The following SPATA13 variants were observed in gnomAD, a reference collection of about 807,000 sequenced individuals.
SPATA13 encodes spermatogenesis-associated protein 13.
SPATA13 carries 50 observed loss-of-function variants against 104.0 expected under a neutral mutation model. The ratio of observed to expected loss-of-function variants is 0.48; its 90% CI spans 0.38 to 0.61. The LOEUF is 0.61. Ranked by LOEUF, SPATA13 falls within the 20% of genes least tolerant of loss-of-function variation. The pLI, the probability that SPATA13 is intolerant of heterozygous loss-of-function variation, is 0.00. For missense variants in SPATA13, 1,524 were observed against 1,690.6 expected, an observed-to-expected ratio of 0.90 and a Z score of 1.73; for synonymous variants, 606 against 667.5, an observed-to-expected ratio of 0.91 and a Z score of 1.42.
At chr13:24,101,319 C>T (rs1189240366) in intron 3 of SPATA13, among the ~76,000 whole-genome samples, 1 of 152,196 alleles carries the variant, frequency 6.6e-6, no homozygotes, top group Non-Finnish European at 1.5e-5. Flanking sequence ...GTTGGATAAA[C>T]AGTTTATCCT....
At chr13:24,238,158 A>ACAGTCTCTTGCTCTATCTCC (rs1593449825) in intron 2 of SPATA13, among the ~76,000 whole-genome samples, 2 of 89,200 alleles carry the variant, frequency 2.2e-5, no homozygotes, top group Non-Finnish European at 4.0e-5. Context: ...TTTTTTTGAG[A>ACAGTCTCTTGCTCTATCTCC]CAGACTCTTG....
chr13:24,239,355 T>C (rs1002319233), intron 2 of SPATA13, among the ~76,000 whole-genome samples: 4 of 152,068 alleles, frequency 2.6e-5, no homozygotes, highest in African/African-American at 9.7e-5. Context: ...TTTATTTACA[T>C]TGTGGGATGG....
At chr13:24,241,324 A>G (rs1288222396) in intron 2 of SPATA13, among the ~76,000 whole-genome samples, 1 of 152,220 alleles carries the variant, frequency 6.6e-6, no homozygotes, top group African/African-American at 2.4e-5. Flanking sequence ...AAAAGAAGGG[A>G]CAACTTAATG....
At chr13:24,189,380 A>T (rs916360447) in intron 1 of SPATA13, among the ~76,000 whole-genome samples, 1 of 151,022 alleles carries the variant, frequency 6.6e-6, no homozygotes, top group Non-Finnish European at 1.5e-5. Flanking sequence ...AGGCTGAGGC[A>T]GGAGAATGGC....
chr13:24,012,384 C>A (rs1450210771), intron 2 of SPATA13, among the ~76,000 whole-genome samples: 2 of 152,236 alleles, frequency 1.3e-5, no homozygotes, highest in African/African-American at 4.8e-5. Flanking sequence ...CCAGCAGATG[C>A]TCGTGGTTGG....
At chr13:24,100,268 C>T (rs756159484) in intron 3 of SPATA13, among the ~76,000 whole-genome samples, 16 of 152,166 alleles carry the variant, frequency 1.1e-4, no homozygotes, top group African/African-American at 1.4e-4. Flanking sequence ...CCTATATTGC[C>T]GCACTGCATT....
At chr13:24,129,024 T>C (rs1881310793) in intron 3 of SPATA13, among the ~76,000 whole-genome samples, 1 of 152,262 alleles carries the variant, frequency 6.6e-6, no homozygotes, top group Admixed American at 6.5e-5. Context: ...TAAGTGACCC[T>C]TTCTGTTGTT....
intron 3 of SPATA13, among the ~76,000 whole-genome samples, chr13:24,154,534 A>T (rs528040453): frequency 3.9e-5 from 6 of 151,916 alleles, no homozygotes; most frequent in African/African-American, 1.4e-4. Flanking sequence ...AACGGGGGGG[A>T]GGGGCACATA....
intron 8 of SPATA13, 151 bp from the exon 9 acceptor site, chr13:24,290,501 G>T: frequency 3.1e-6 from 2 of 653,332 alleles, no homozygotes; most frequent in South Asian, 1.9e-5. Flanking sequence ...GGCAGCTTGG[G>T]TGCCAGCGGA....
intron 2 of SPATA13, among the ~76,000 whole-genome samples, chr13:24,015,729 C>A (rs1488053658): frequency 1.8e-5 from 1 of 55,782 alleles, no homozygotes; most frequent in African/African-American, 6.0e-5. Flanking sequence ...TTTGGGGCGA[C>A]CCCTGGCAGG....
intron 3 of SPATA13, among the ~76,000 whole-genome samples, chr13:24,038,172 G>A (rs1006049616): frequency 3.3e-5 from 5 of 151,704 alleles, no homozygotes; most frequent in Admixed American, 2.0e-4. Flanking sequence ...CTCGACCTCC[G>A]AAAGTGCTGG....
At chr13:24,197,320 T>C (rs1464135243) in intron 1 of SPATA13, among the ~76,000 whole-genome samples, 6 of 152,188 alleles carry the variant, frequency 3.9e-5, no homozygotes, top group Non-Finnish European at 8.8e-5. Flanking sequence ...AACAGTGCAA[T>C]AGTGATTAAC....
chr13:24,153,278 C>T (rs191155949), intron 3 of SPATA13, among the ~76,000 whole-genome samples: 1 of 152,332 alleles, frequency 6.6e-6, no homozygotes, highest in Admixed American at 6.5e-5. Context: ...GATGTGGGTG[C>T]CCCATTTTCC....
chr13:24,032,633 A>G (rs1040490643), intron 3 of SPATA13, among the ~76,000 whole-genome samples: 3 of 152,224 alleles, frequency 2.0e-5, no homozygotes, highest in Non-Finnish European at 4.4e-5. Context: ...TTTGGTTGAA[A>G]ATAAGGCATT....
At chr13:24,141,617 A>G (rs893720719) in intron 3 of SPATA13, among the ~76,000 whole-genome samples, 7 of 152,138 alleles carry the variant, frequency 4.6e-5, no homozygotes, top group Non-Finnish European at 8.8e-5. Flanking sequence ...TAACATGAGT[A>G]CTTCATGAGG....
rs189040275 is a variant in SPATA13, at chr13:24,194,108, A to G, written c.-111-28711A>G. Among the ~76,000 whole-genome samples, 5 of 152,238 alleles carry G rather than the reference A, an allele frequency of 3.3e-5. 1 individual carries two copies. The highest frequency in any genetic ancestry group is 3.3e-4 in the Admixed American group (5 of 15,278). On this transcript the variant is annotated intron_variant, in intron 1 of 12. Coordinates refer to ENST00000382108, the MANE Select transcript of SPATA13 (RefSeq NM_001166271.3). ...GCACCTCATTGATCTTTGCTGCTTT[A>G]TGGTTTTATGAACTCTAGCAGCTTC...
intron 3 of SPATA13, among the ~76,000 whole-genome samples, chr13:24,038,447 C>T (rs1877796411): frequency 6.6e-6 from 1 of 152,122 alleles, no homozygotes; most frequent in African/African-American, 2.4e-5. Flanking sequence ...ATTCTGTTTC[C>T]TCCCATGCAC....
Position 24,128,486 on chromosome 13 carries a change from G to T in SPATA13, c.-111-94333G>T, listed in dbSNP as rs9553192. ...TGCTCAGAGGTAATTAAATGGTGGG[G>T]CAGAGCCATTAGGAAAGTGCATGGG... On this transcript the variant is annotated intron_variant, in intron 3 of 14. Transcript: ENST00000424834. Among the ~76,000 whole-genome samples the T allele has an allele frequency of 8.9e-3, 1,351 of 152,220 alleles. 37 individuals carry two copies. Among genetic ancestry groups the T allele is most frequent in the East Asian group, 0.051 (264 of 5,170 alleles).
Position 24,019,250 on chromosome 13 carries a change from A to G in SPATA13, c.-112+1549A>G, listed in dbSNP as rs559639021. 2.4e-3 allele frequency among the ~76,000 whole-genome samples: 369 copies of G among 151,240 alleles called. 1 individual carries two copies. Among genetic ancestry groups the G allele is most frequent in the African/African-American group, 7.4e-3 (304 of 41,238 alleles). ...ACTACAGGCGCCCGCCACTACGCCC[A>G]GCTAATTTTTTGTATTTTTAGTAGA... On this transcript the variant is annotated intron_variant, in intron 3 of 14. Transcript: ENST00000424834.
Sources: allele counts gnomAD v4.1 joint callset (sites outside exome capture counted in the v4.1 genomes callset), GRCh38; gene constraint gnomAD v4.1.1; transcripts MANE v1.5; gene names NCBI Gene and HGNC (gene_info 2026-07-23, HGNC 2026-07-21).